TBL1X: variants seen among roughly 807,000 people sequenced by gnomAD.
TBL1X encodes F-box-like/WD repeat-containing protein TBL1X.
Under a neutral mutation model 50.7 loss-of-function variants are expected in TBL1X, and 10 were observed. That is an observed-to-expected ratio of 0.20 (90% CI 0.12 to 0.33). The LOEUF (loss-of-function observed/expected upper bound fraction) is 0.33. Among genes scored for constraint, TBL1X ranks in the 10% least tolerant of loss-of-function variants. The pLI, the probability that TBL1X is intolerant of heterozygous loss-of-function variation, is 1.00. For missense variants in TBL1X, 340 were observed against 504.4 expected (o/e 0.67, Z 3.12); for synonymous variants, 190 against 214.7 (o/e 0.88, Z 1.01).
chrX:9,716,250 C>G lies in TBL1X; in HGVS notation c.*4C>G, dbSNP rs1284884885. On this transcript the variant is annotated 3_prime_UTR_variant, in exon 18 of 18. Transcript: ENST00000645353. Reference sequence around the variant, plus strand: ...TGTTTTGGATCTGCGGAAGTAACCACAAAATATTATCGAAAAAAGAAAAGA... The same window carrying G: ...TGTTTTGGATCTGCGGAAGTAACCAGAAAATATTATCGAAAAAAGAAAAGA... 8.3e-7 allele frequency: 1 copy of G among 1,208,118 alleles called. No individual in the cohort carries two copies. Among genetic ancestry groups the G allele is most frequent in the Non-Finnish European group, 1.1e-6 (1 of 893,098 alleles).
chrX:9,542,148 C>G (rs752195402), intron 2 of TBL1X, among the ~76,000 whole-genome samples: 1 of 110,729 alleles, frequency 9.0e-6, no homozygotes, highest in African/African-American at 3.3e-5. Flanking sequence ...CCTGTAATTG[C>G]ATTTGATGGA....
rs140679422 is a variant in TBL1X at position 9,490,713 on chromosome X, C to A, written c.-200-11067C>A. Among the ~76,000 whole-genome samples the A allele has an allele frequency of 1.2e-4, 13 of 111,680 alleles. No individual in the cohort carries two copies. The East Asian group carries it at 3.4e-3, about 29-fold the overall frequency. On this transcript the variant is annotated intron_variant, in intron 1 of 17. Coordinates refer to ENST00000645353, the MANE Select transcript of TBL1X (RefSeq NM_005647.4). ...GTTGTGTGGAGAGGCGAATTCAAAC[C>A]CAAGGGTCTTAGTTAGATCTATTAC...
Position 9,551,208 on chromosome X carries a change from G to A in TBL1X, c.-131+49359G>A, listed in dbSNP as rs958058172. On this transcript the variant is annotated intron_variant, in intron 2 of 17. Transcript: ENST00000645353. ...GATGGGTGTCCAGCCTGTGCCCAGG[G>A]GATCAGTTTCCTTTGTGCTGCTGCA... is the stretch of plus-strand genomic sequence containing the variant. Among the ~76,000 whole-genome samples, 6 of 111,062 alleles carry A rather than the reference G, an allele frequency of 5.4e-5. 1 individual carries two copies.
At chrX:9,549,289 G>T (rs188243763) in intron 2 of TBL1X, among the ~76,000 whole-genome samples, 79 of 112,500 alleles carry the variant, frequency 7.0e-4, no homozygotes, top group African/African-American at 2.4e-3. Context: ...ACTGCAGCCC[G>T]TGGGGCAGAC....
At chrX:9,530,915 G>T (rs981494319) in intron 2 of TBL1X, 2 of 111,939 alleles carry the variant, frequency 1.8e-5, no homozygotes, top group Non-Finnish European at 3.8e-5. Flanking sequence ...AATGGACCGA[G>T]CATCACGTGT....
chrX:9,640,308 C>T lies in TBL1X; in HGVS notation c.-95C>T, dbSNP rs932856065. 2.7e-5 allele frequency: 3 copies of T among 112,045 alleles called. No homozygotes were observed. Among genetic ancestry groups the T allele is most frequent in the African/African-American group, 6.5e-5 (2 of 30,809 alleles). The allele number at this position is 112,045 out of a possible 1,213,427, so 9.2% of individuals were successfully genotyped here. A position where few individuals can be genotyped will look rare whatever the true frequency, so the allele number is the denominator to read the frequency against. Reference sequence around the variant, plus strand: ...GCAGACGGCTTCCCATTTTTATGACCGGATGCTGGGAAGCCTGCTGGTCCA... The same window carrying T: ...GCAGACGGCTTCCCATTTTTATGACTGGATGCTGGGAAGCCTGCTGGTCCA... On this transcript the variant is annotated 5_prime_UTR_variant, in exon 3 of 18. Transcript: ENST00000645353.
intron 5 of TBL1X, among the ~76,000 whole-genome samples, chrX:9,676,948 G>A (rs1390229747): frequency 8.9e-6 from 1 of 111,889 alleles, no homozygotes; most frequent in South Asian, 3.7e-4. Flanking sequence ...TTGTTGAAGT[G>A]AAGGGAACTG....
At chrX:9,584,755 C>T (rs2082459618) in intron 2 of TBL1X, among the ~76,000 whole-genome samples, 1 of 111,622 alleles carries the variant, frequency 9.0e-6, no homozygotes, top group South Asian at 3.7e-4. Flanking sequence ...TGAGGATATG[C>T]TACATTGAAA....
intron 2 of TBL1X, among the ~76,000 whole-genome samples, chrX:9,575,897 A>C (rs967560010): frequency 9.0e-6 from 1 of 111,620 alleles, no homozygotes; most frequent in Non-Finnish European, 1.9e-5. Context: ...TTTGTTAACC[A>C]ATCTGAGAAA....
At chrX:9,553,321 A>T (rs1206885750) in intron 2 of TBL1X, among the ~76,000 whole-genome samples, 1 of 111,634 alleles carries the variant, frequency 9.0e-6, no homozygotes, top group Non-Finnish European at 1.9e-5. Flanking sequence ...GAGCCAAGGG[A>T]TGCTGGCGGC....
At chrX:9,622,947 G>A (rs768025662) in intron 2 of TBL1X, among the ~76,000 whole-genome samples, 104 of 112,273 alleles carry the variant, frequency 9.3e-4, no homozygotes, top group Non-Finnish European at 1.3e-3. Context: ...GAACATTGAG[G>A]AACAAGTGTC....
chrX:9,510,867 A>G (rs1257382601), intron 2 of TBL1X, among the ~76,000 whole-genome samples: 1 of 111,562 alleles, frequency 9.0e-6, no homozygotes, highest in Non-Finnish European at 1.9e-5. Flanking sequence ...CCTGCTCTGG[A>G]AAGTTTGGGC....
At chrX:9,638,714 G>A (rs951743633) in intron 2 of TBL1X, among the ~76,000 whole-genome samples, 5 of 111,955 alleles carry the variant, frequency 4.5e-5, no homozygotes, top group African/African-American at 9.7e-5. Flanking sequence ...TTGAATTATT[G>A]TGGATTTTAA....
intron 7 of TBL1X, among the ~76,000 whole-genome samples, chrX:9,691,288 T>C (rs950565843): frequency 3.7e-5 from 4 of 109,416 alleles, no homozygotes; most frequent in African/African-American, 1.3e-4. Flanking sequence ...ATACAAAAAT[T>C]AGCCTGGTGT....
At chrX:9,684,364 T>C (rs981444982) in intron 6 of TBL1X, among the ~76,000 whole-genome samples, 176 bp downstream of exon 6, 7 of 110,593 alleles carry the variant, frequency 6.3e-5, no homozygotes, top group Non-Finnish European at 1.1e-4. Flanking sequence ...GCAGGAAGTC[T>C]ACTTGACCCC....
chrX:9,690,358 C>T (rs1180093500), intron 7 of TBL1X, among the ~76,000 whole-genome samples: 1 of 112,009 alleles, frequency 8.9e-6, no homozygotes, highest in Non-Finnish European at 1.9e-5. Flanking sequence ...AAGGTGTGGG[C>T]AGGGCTGGTT....
chrX:9,571,523 A>G (rs1391057756), intron 2 of TBL1X, among the ~76,000 whole-genome samples: 1 of 111,789 alleles, frequency 8.9e-6, no homozygotes, highest in Non-Finnish European at 1.9e-5. Context: ...ACGACCTGAA[A>G]GATCTTGGCC....
intron 5 of TBL1X, among the ~76,000 whole-genome samples, chrX:9,673,663 G>GTA (rs1276563630): frequency 8.9e-6 from 1 of 112,352 alleles, no homozygotes; most frequent in Non-Finnish European, 1.9e-5. Context: ...AGATGCATAT[G>GTA]TATATATGTA....
intron 2 of TBL1X, among the ~76,000 whole-genome samples, chrX:9,590,781 T>C (rs749335519): frequency 3.4e-4 from 38 of 111,326 alleles, no homozygotes; most frequent in African/African-American, 1.1e-3. Flanking sequence ...GGTACTATTA[T>C]TGTCAGTTTT....
Sources: gnomAD v4.1 joint callset for allele counts (sites outside exome capture counted in the v4.1 genomes callset) on GRCh38, gnomAD v4.1.1 for gene constraint, MANE v1.5 for transcripts, NCBI Gene and HGNC (gene_info 2026-07-23, HGNC 2026-07-21) for gene names.